PRKCE: variants seen among roughly 807,000 people sequenced by gnomAD.
The protein encoded by PRKCE is protein kinase C epsilon.
A neutral mutation model predicts 85.4 loss-of-function variants in PRKCE; 16 were observed. That is an observed-to-expected ratio of 0.19 (90% CI 0.13 to 0.28). PRKCE has a LOEUF of 0.28. Ranked by LOEUF, PRKCE falls within the 10% of genes least tolerant of loss-of-function variation. The probability of loss-of-function intolerance (pLI) is 1.00; values close to 1 mark genes in which losing one functional copy is unlikely to be tolerated. For missense variants in PRKCE, 573 were observed against 975.2 expected (o/e 0.59, Z 5.49); for synonymous variants, 388 against 371.5 (o/e 1.04, Z -0.51).
chr2:46,104,982 C>T (rs1181016940), intron 11 of PRKCE, among the ~76,000 whole-genome samples: 1 of 151,670 alleles, frequency 6.6e-6, no homozygotes, highest in African/African-American at 2.4e-5. Context: ...GCTTGGTTCT[C>T]TTCCTTACTA....
At chr2:45,826,941 C>T (rs2105366964) in intron 1 of PRKCE, among the ~76,000 whole-genome samples, 1 of 152,350 alleles carries the variant, frequency 6.6e-6, no homozygotes, top group Admixed American at 6.5e-5. Flanking sequence ...GCCATAGGCT[C>T]CTAAGTTGCC....
chr2:45,731,696 T>C (rs1681592499), intron 1 of PRKCE, among the ~76,000 whole-genome samples: 1 of 146,748 alleles, frequency 6.8e-6, no homozygotes. Context: ...CAAACATTGC[T>C]CCCTGCAGAC....
intron 2 of PRKCE, among the ~76,000 whole-genome samples, chr2:45,937,705 ACTCCGTCTC>A (rs1699569800): frequency 6.6e-6 from 1 of 151,096 alleles, no homozygotes; most frequent in African/African-American, 2.4e-5. Context: ...ACAAAGTGAG[ACTCCGTCTC>A]AAAGAAAAAA....
At chr2:45,967,279 T>C (rs536329142) in intron 2 of PRKCE, among the ~76,000 whole-genome samples, 190 of 152,334 alleles carry the variant, frequency 1.2e-3, no homozygotes, top group African/African-American at 4.2e-3. Flanking sequence ...ATGTGCTAGA[T>C]GGCAGGTGAA....
intron 1 of PRKCE, among the ~76,000 whole-genome samples, chr2:45,758,805 C>G (rs918010653): frequency 2.0e-5 from 3 of 152,154 alleles, no homozygotes; most frequent in Non-Finnish European, 4.4e-5. Context: ...TTTTTGTTGA[C>G]TAGAAGATTT....
intron 1 of PRKCE, among the ~76,000 whole-genome samples, chr2:45,760,394 A>C (rs1051620068): frequency 6.6e-6 from 1 of 152,166 alleles, no homozygotes; most frequent in Non-Finnish European, 1.5e-5. Context: ...ATTGATCAGA[A>C]AGGGGAAAGT....
chr2:45,800,527 G>A (rs1323097777), intron 1 of PRKCE, among the ~76,000 whole-genome samples: 1 of 152,238 alleles, frequency 6.6e-6, no homozygotes, highest in East Asian at 1.9e-4. Flanking sequence ...TAGGCAATGA[G>A]AGGCCTGTCT....
chr2:45,840,033 C>G (rs1268881422), intron 1 of PRKCE, among the ~76,000 whole-genome samples: 2 of 152,226 alleles, frequency 1.3e-5, no homozygotes, highest in African/African-American at 4.8e-5. Context: ...CGAGTTCTCA[C>G]TCCCCTTTTG....
intron 1 of PRKCE, among the ~76,000 whole-genome samples, chr2:45,688,384 G>T (rs1202473590): frequency 6.6e-6 from 1 of 152,138 alleles, no homozygotes; most frequent in East Asian, 1.9e-4. Context: ...TCAAACTTTG[G>T]TTGTAAGCAC....
intron 2 of PRKCE, among the ~76,000 whole-genome samples, chr2:45,924,194 G>A (rs764440864): frequency 2.0e-5 from 3 of 152,154 alleles, no homozygotes; most frequent in Non-Finnish European, 4.4e-5. Flanking sequence ...GGAATTGGCT[G>A]TTCGTTCCTG....
intron 2 of PRKCE, among the ~76,000 whole-genome samples, chr2:45,898,364 C>T (rs184821978): frequency 6.6e-6 from 1 of 152,260 alleles, no homozygotes; most frequent in East Asian, 1.9e-4. Context: ...TAGGATCTAC[C>T]TGCTGGAAGC....
chr2:46,155,374 C>T lies in PRKCE; in HGVS notation c.1920+4145C>T, dbSNP rs893103489. Among the ~76,000 whole-genome samples the T allele has an allele frequency of 2.6e-5, 4 of 152,078 alleles. No homozygotes were observed. The highest frequency in any genetic ancestry group is 4.8e-5 in the African/African-American group (2 of 41,400). On this transcript the variant is annotated intron_variant, in intron 13 of 14. Transcript: ENST00000306156. This position sits in a 1 kb window ranked among gnomAD's most constrained non-coding sequence, Gnocchi z 4.7. ...CTGGTGTCACTCGCGGGCCCCTGTT[C>T]GGCTCCTTCATGAATGGATTCTGGT...
intron 2 of PRKCE, among the ~76,000 whole-genome samples, chr2:45,892,223 A>G (rs1268176748): frequency 6.6e-6 from 1 of 152,196 alleles, no homozygotes; most frequent in Non-Finnish European, 1.5e-5. Context: ...GAGAGGTGAC[A>G]GCTTTTTTGA....
At chr2:46,056,210 TCTTA>T (rs1240974941) in intron 10 of PRKCE, among the ~76,000 whole-genome samples, 1 of 151,990 alleles carries the variant, frequency 6.6e-6, no homozygotes. Context: ...TTGATCTTGA[TCTTA>T]CTTCTTCACG....
rs180989059 is a variant in PRKCE, at chr2:45,702,971, G to A, written c.348+50523G>A. 2.6e-5 allele frequency among the ~76,000 whole-genome samples: 4 copies of A among 152,070 alleles called. No individual in the cohort carries two copies. The East Asian group carries it at 5.8e-4, about 22-fold the overall frequency. On this transcript the variant is annotated intron_variant, in intron 1 of 14. Coordinates refer to ENST00000306156, the MANE Select transcript of PRKCE (RefSeq NM_005400.3). ...TGCTAAGGCCATAGCTAACAGCCTCGGCAGATAACAGCCTTTCCTATTATC... is the reference window on the plus strand; with the variant it reads ...TGCTAAGGCCATAGCTAACAGCCTCAGCAGATAACAGCCTTTCCTATTATC...
chr2:46,126,033 T>C (rs1333906200), intron 11 of PRKCE, among the ~76,000 whole-genome samples: 1 of 152,232 alleles, frequency 6.6e-6, no homozygotes, highest in Non-Finnish European at 1.5e-5. Context: ...GGTCAGTTCT[T>C]GCCGAGTGGG....
chr2:45,905,114 C>T lies in PRKCE; in HGVS notation c.412+62051C>T, dbSNP rs1696876256. 1.3e-5 allele frequency among the ~76,000 whole-genome samples: 2 copies of T among 152,236 alleles called. No homozygotes were observed. Among genetic ancestry groups the T allele is most frequent in the African/African-American group, 4.8e-5 (2 of 41,464 alleles). ...CTGTATCCTATGGCAACAGCAGCTCCTTGTTAATTCAGAGTAATGCTGGGG... is the reference window on the plus strand; with the variant it reads ...CTGTATCCTATGGCAACAGCAGCTCTTTGTTAATTCAGAGTAATGCTGGGG... On this transcript the variant is annotated intron_variant, in intron 2 of 14. Coordinates refer to ENST00000306156, the MANE Select transcript of PRKCE (RefSeq NM_005400.3). This position sits in a 1 kb window ranked among gnomAD's most constrained non-coding sequence, Gnocchi z 4.4.
At chr2:45,933,078 T>C (rs1699159840) in intron 2 of PRKCE, among the ~76,000 whole-genome samples, 1 of 152,252 alleles carries the variant, frequency 6.6e-6, no homozygotes, top group Non-Finnish European at 1.5e-5. Context: ...TTTGCATTGC[T>C]CTTGAGTGCC....
In PRKCE at chr2:45,907,269, C is replaced by G. The variant is rs1303834660; in HGVS notation, c.412+64206C>G. Among the ~76,000 whole-genome samples the G allele has an allele frequency of 6.6e-6, 1 of 151,982 alleles. No individual in the cohort carries two copies. The highest frequency in any genetic ancestry group is 1.5e-5 in the Non-Finnish European group (1 of 67,994). ...AGATTTTAAGTGGACTGGCAGTTGG[C>G]AAAGGAAAAAATAAATCAGCCCCCT... On this transcript the variant is annotated intron_variant, in intron 2 of 14. Coordinates refer to ENST00000306156, the MANE Select transcript of PRKCE (RefSeq NM_005400.3). This position sits in a 1 kb window ranked among gnomAD's most constrained non-coding sequence, Gnocchi z 4.5.
Sources: allele counts gnomAD v4.1 joint callset (sites outside exome capture counted in the v4.1 genomes callset), GRCh38; gene constraint gnomAD v4.1.1; non-coding constraint Gnocchi (gnomAD v3.1); transcripts MANE v1.5; gene names NCBI Gene and HGNC (gene_info 2026-07-23, HGNC 2026-07-21).